The following TRIM49C variants were observed in gnomAD, a reference collection of about 807,000 sequenced individuals.
The protein encoded by TRIM49C is tripartite motif containing 49C, also known as tripartite motif-containing protein 49C.
A neutral mutation model predicts 21.4 loss-of-function variants in TRIM49C; 6 were observed. That is an observed-to-expected ratio of 0.28 (90% CI 0.15 to 0.55). TRIM49C has a LOEUF of 0.55. TRIM49C is among the 20% of genes least tolerant of loss of function. TRIM49C has a pLI of 0.94. For missense variants in TRIM49C, 161 were observed against 442.4 expected (o/e 0.36, Z 5.71); for synonymous variants, 57 against 148.1 (o/e 0.38, Z 4.47).
rs1378552835 is a variant in TRIM49C at position 90,033,375 on chromosome 11, A to C, written c.-5+793A>C. ...ATAGGATGTATACATATATGTGTGC[A>C]GATACATTCATGGGCCATTTGAGTC... is the stretch of plus-strand genomic sequence containing the variant. On this transcript the variant is annotated intron_variant, in intron 2 of 7. Coordinates refer to ENST00000448984, the MANE Select transcript of TRIM49C (RefSeq NM_001195234.1). Among the ~76,000 whole-genome samples the C allele has an allele frequency of 6.7e-5, 9 of 135,218 alleles. 2 individuals carry two copies. The Admixed American group carries it at 6.8e-4, about 10-fold the overall frequency. The allele number at this position is 135,218 out of a possible 152,430, so 88.7% of individuals were successfully genotyped here.
chr11:90,045,678 G>T (rs1241443071), downstream of TRIM49C, among the ~76,000 whole-genome samples: 10 of 86,376 alleles, frequency 1.2e-4, no homozygotes, highest in Admixed American at 1.6e-3. Flanking sequence ...ATTTTGGGCT[G>T]AGACGATGGG....
downstream of TRIM49C, among the ~76,000 whole-genome samples, chr11:90,046,040 C>T (rs4002115): frequency 2.4e-3 from 285 of 119,992 alleles, 62 homozygotes; most frequent in South Asian, 0.016. Context: ...GAGATAATCA[C>T]GTGGTTTTTG....
At position 90,041,280 on chromosome 11, in the gene TRIM49C, G is replaced by A. The variant is rs673598; in HGVS notation, c.1089G>A (p.Lys363=). Residue 363 remains lysine (K), a synonymous_variant, in exon 8 of 8, where the codon AAG becomes AAA. Transcript: ENST00000448984. ...TTGGTGTCTGTAATATGTATCGGAA[G>A]GAGAAGAATCAGAATGAGAAGATAG... ...WAFGVCNMYR[K]EKNQNEKIDG... 0.32 allele frequency: 449,870 copies of A among 1,418,382 alleles called. 95,267 individuals are homozygous for A. The highest frequency in any genetic ancestry group is 0.54 in the Admixed American group (29,982 of 55,380). 87.9% of individuals were successfully genotyped at this position (1,418,382 alleles called of 1,614,324 possible). A position where few individuals can be genotyped will look rare whatever the true frequency, so the allele number is the denominator to read the frequency against.
the TRIM49C span, among the ~76,000 whole-genome samples, chr11:90,069,505 G>C: frequency 7.6e-5 from 10 of 132,264 alleles, 3 homozygotes; most frequent in East Asian, 2.0e-3. Context: ...ACGAAGGTGC[G>C]TGGCTATTTC....
intron 6 of TRIM49C, among the ~76,000 whole-genome samples, chr11:90,039,141 T>G (rs1389707437): frequency 2.3e-5 from 3 of 132,590 alleles, no homozygotes; most frequent in Non-Finnish European, 3.2e-5. Context: ...GGATGGTCTC[T>G]ATCTCCTGAC....
chr11:90,069,288 A>G, the TRIM49C span, among the ~76,000 whole-genome samples: 1 of 120,990 alleles, frequency 8.3e-6, no homozygotes, highest in South Asian at 3.1e-4. Context: ...TTTTTTTTGT[A>G]TTATTAGTAG....
At chr11:90,046,645 G>A (rs1310157178), downstream of TRIM49C, among the ~76,000 whole-genome samples, 1 of 122,564 alleles carries the variant, frequency 8.2e-6, no homozygotes, top group South Asian at 3.0e-4. Flanking sequence ...GCATCTATTT[G>A]ATTCTTCTCT....
chr11:90,065,738 C>T, the TRIM49C span, among the ~76,000 whole-genome samples: 1 of 140,118 alleles, frequency 7.1e-6, no homozygotes, highest in Non-Finnish European at 1.5e-5. Context: ...GGGTGGATCA[C>T]GAGGTCAGGA....
chr11:90,055,526 G>C, the TRIM49C span, among the ~76,000 whole-genome samples: 1 of 151,574 alleles, frequency 6.6e-6, no homozygotes, highest in African/African-American at 2.4e-5. Context: ...CATTTAATTT[G>C]TTTTCTGAAT....
chr11:90,038,547 T>C (rs1301597972), intron 5 of TRIM49C, 146 bp from the exon 6 acceptor site: 1 of 1,237,402 alleles, frequency 8.1e-7, no homozygotes, highest in Non-Finnish European at 1.1e-6. Context: ...GGTTTTTCAT[T>C]ACAGAAGAAA....
intron 7 of TRIM49C, 59 bp from the exon 8 acceptor site, chr11:90,040,992 T>A: frequency 6.8e-7 from 1 of 1,467,778 alleles, no homozygotes. Flanking sequence ...ATAGAACAAT[T>A]ATTTTTTTCT....
the TRIM49C span, chr11:90,052,335 C>T: frequency 4.7e-6 from 1 of 210,784 alleles, no homozygotes. Context: ...CGCCAGCCGC[C>T]TCTTCCCCAC....
the TRIM49C span, among the ~76,000 whole-genome samples, chr11:90,054,757 CA>C: frequency 1.5e-5 from 2 of 137,098 alleles, 1 homozygote; most frequent in Non-Finnish European, 3.1e-5. Context: ...CTAGGAGAAT[CA>C]ATACAATAAG....
At chr11:90,057,837 T>G in the TRIM49C span, 1 of 1,265,126 alleles carries the variant, frequency 7.9e-7, no homozygotes, top group Non-Finnish European at 1.0e-6. Context: ...AAATCTTTCA[T>G]CAGAATCAAT....
At chr11:90,065,499 G>A in the TRIM49C span, among the ~76,000 whole-genome samples, 1 of 131,834 alleles carries the variant, frequency 7.6e-6, no homozygotes, top group African/African-American at 2.7e-5. Flanking sequence ...TGGGCCCACG[G>A]AAGACCACAC....
the TRIM49C span, among the ~76,000 whole-genome samples, chr11:90,055,033 CA>C: frequency 2.7e-5 from 4 of 148,720 alleles, no homozygotes; most frequent in African/African-American, 9.9e-5. Context: ...AGGAGAAAAT[CA>C]AAAAAAGGAG....
downstream of TRIM49C, among the ~76,000 whole-genome samples, chr11:90,045,235 C>A (rs1357625409): frequency 8.0e-6 from 1 of 125,426 alleles, no homozygotes; most frequent in Non-Finnish European, 1.7e-5. Flanking sequence ...GTTCTTTTGG[C>A]TTAGGATTGA....
chr11:90,055,069 A>T, the TRIM49C span, among the ~76,000 whole-genome samples: 5 of 147,300 alleles, frequency 3.4e-5, no homozygotes, highest in African/African-American at 1.3e-4. Context: ...CCTAAGGTGA[A>T]TAATTTTATC....
rs1950726304 is a variant in TRIM49C, at chr11:90,036,096, A to G, written c.507+113A>G. ...ATGTTTCTGGGATACAGTAAAAAAA[A>G]AAAGGCGAGAGAAAACATTGAGAAA... On this transcript the variant is annotated intron_variant, in intron 4 of 7. Coordinates refer to ENST00000448984, the MANE Select transcript of TRIM49C (RefSeq NM_001195234.1). 2.7e-6 allele frequency: 3 copies of G among 1,121,880 alleles called. 1 individual carries two copies. Among genetic ancestry groups the G allele is most frequent in the Non-Finnish European group, 3.5e-6 (3 of 864,706 alleles). The allele number at this position is 1,121,880 out of a possible 1,614,324, so 69.5% of individuals were successfully genotyped here.
Sources: allele counts gnomAD v4.1 joint callset (sites outside exome capture counted in the v4.1 genomes callset), GRCh38; gene constraint gnomAD v4.1.1; transcripts MANE v1.5; gene names NCBI Gene and HGNC (gene_info 2026-07-23, HGNC 2026-07-21).